Variants in PEX5L observed in about 807,000 individuals in gnomAD.
The protein encoded by PEX5L is PEX5-related protein.
In PEX5L, 30 loss-of-function variants were observed where a neutral mutation model predicts 84.0. The ratio of observed to expected loss-of-function variants is 0.36; its 90% CI spans 0.27 to 0.48. The LOEUF is 0.48. Ranked by LOEUF, PEX5L falls within the 20% of genes least tolerant of loss-of-function variation. The pLI, the probability that PEX5L is intolerant of heterozygous loss-of-function variation, is 0.99. For missense variants in PEX5L, 533 were observed against 754.6 expected, an observed-to-expected ratio of 0.71 and a Z score of 3.44; for synonymous variants, 270 against 283.1, an observed-to-expected ratio of 0.95 and a Z score of 0.46.
chr3:179,824,527 GA>G (rs561034496), intron 8 of PEX5L, among the ~76,000 whole-genome samples: 104 of 152,188 alleles, frequency 6.8e-4, no homozygotes, highest in African/African-American at 2.5e-3. Flanking sequence ...CCAACATGGA[GA>G]AACCCCGTCT....
chr3:179,987,348 A>T (rs1786950189), intron 1 of PEX5L, among the ~76,000 whole-genome samples: 1 of 151,462 alleles, frequency 6.6e-6, no homozygotes, highest in African/African-American at 2.4e-5. Context: ...GGTTGAATTA[A>T]CAATGTGTAA....
At chr3:179,969,986 GA>G (rs1361987301) in intron 2 of PEX5L, among the ~76,000 whole-genome samples, 1 of 151,810 alleles carries the variant, frequency 6.6e-6, no homozygotes, top group Non-Finnish European at 1.5e-5. Flanking sequence ...GGTATCATGA[GA>G]AAAAAAGAAC....
At chr3:179,889,471 GT>G (rs1380779358) in intron 3 of PEX5L, among the ~76,000 whole-genome samples, 1 of 152,178 alleles carries the variant, frequency 6.6e-6, no homozygotes, top group Non-Finnish European at 1.5e-5. Flanking sequence ...TATAGAGTTG[GT>G]AATTAGATTT....
intron 1 of PEX5L, among the ~76,000 whole-genome samples, chr3:179,984,150 T>C (rs1786586764): frequency 6.6e-6 from 1 of 152,138 alleles, no homozygotes; most frequent in South Asian, 2.1e-4. Context: ...TCCACAGTTA[T>C]TTAAAAAGGC....
At chr3:179,942,199 AAATT>A (rs1003772403) in intron 2 of PEX5L, among the ~76,000 whole-genome samples, 1 of 152,116 alleles carries the variant, frequency 6.6e-6, no homozygotes, top group African/African-American at 2.4e-5. Flanking sequence ...CTCCGGACTG[AAATT>A]AATTGTGACA....
At chr3:179,889,897 T>C (rs934224962) in intron 3 of PEX5L, among the ~76,000 whole-genome samples, 49 of 152,306 alleles carry the variant, frequency 3.2e-4, no homozygotes, top group African/African-American at 1.1e-3. Flanking sequence ...TAAAAGTCAA[T>C]TTTATTATCT....
chr3:179,908,612 TC>T (rs1764076874), intron 2 of PEX5L, among the ~76,000 whole-genome samples: 1 of 121,194 alleles, frequency 8.3e-6, no homozygotes, highest in African/African-American at 3.0e-5. Context: ...ATGCTATCCC[TC>T]CCCCCTCCCC....
At chr3:180,004,063 C>A (rs1352937006) in intron 1 of PEX5L, among the ~76,000 whole-genome samples, 2 of 152,136 alleles carry the variant, frequency 1.3e-5, no homozygotes, top group African/African-American at 2.4e-5. Context: ...TTGGAACAGC[C>A]TTTTCAATTT....
At chr3:179,851,032 T>A (rs1365523187) in intron 8 of PEX5L, among the ~76,000 whole-genome samples, 2 of 152,226 alleles carry the variant, frequency 1.3e-5, no homozygotes, top group Admixed American at 1.3e-4. Context: ...ACACTGGGAA[T>A]AATTTCAGGT....
intron 8 of PEX5L, among the ~76,000 whole-genome samples, chr3:179,850,283 T>C (rs2108443575): frequency 6.6e-6 from 1 of 152,164 alleles, no homozygotes; most frequent in African/African-American, 2.4e-5. Context: ...TGCACCATCA[T>C]GCCTGGCTAA....
intron 8 of PEX5L, among the ~76,000 whole-genome samples, chr3:179,837,168 A>G (rs546824254): frequency 6.6e-6 from 1 of 152,316 alleles, no homozygotes; most frequent in African/African-American, 2.4e-5. Context: ...AACTAAGAAA[A>G]AGAATTGCTC....
In PEX5L at chr3:179,882,311, TA is replaced by T. The variant is rs1346506039; in HGVS notation, c.311-2189del. On this transcript the variant is annotated intron_variant, in intron 4 of 14. Coordinates refer to ENST00000467460, the MANE Select transcript of PEX5L (RefSeq NM_016559.3). ...CTATATCTTCTTCTCACATTCAGAA[TA>T]AATGAATTACTAAAAGGGTGAACTG... Among the ~76,000 whole-genome samples, 25 of 152,364 alleles carry T rather than the reference TA, an allele frequency of 1.6e-4. 1 individual carries two copies. Among genetic ancestry groups the T allele is most frequent in the African/African-American group, 5.8e-4 (24 of 41,592 alleles).
chr3:179,880,164 C>T (rs1200277073), intron 4 of PEX5L, 41 bp from the exon 5 acceptor site: 5 of 1,250,748 alleles, frequency 4.0e-6, no homozygotes. Context: ...CCATTTACTA[C>T]TCTGAAATTA....
At chr3:179,898,092 A>G (rs1310114575) in intron 3 of PEX5L, 50 bp downstream of exon 3, 3 of 1,110,038 alleles carry the variant, frequency 2.7e-6, no homozygotes, top group African/African-American at 1.6e-5. Flanking sequence ...ACAATGTCTG[A>G]TATATTAACA....
chr3:180,029,734 C>A (rs1791283732), intron 1 of PEX5L, among the ~76,000 whole-genome samples: 1 of 120,694 alleles, frequency 8.3e-6, no homozygotes, highest in Admixed American at 7.0e-5. Flanking sequence ...GCATATAAAT[C>A]ACTGGTTCCT....
rs376280571 is a variant in PEX5L at position 179,819,902 on chromosome 3, G to A, written c.897C>T (p.Asn299=). 1.7e-5 allele frequency: 27 copies of A among 1,614,030 alleles called. No homozygotes were observed. The African/African-American group carries it at 3.3e-4, about 20-fold the overall frequency. Reference sequence around the variant, plus strand: ...TGGTTACTTGGTTCTGGGCTTCTTGGTTCTCAGATATCCAGTTCCTCCGAG... The same window carrying A: ...TGGTTACTTGGTTCTGGGCTTCTTGATTCTCAGATATCCAGTTCCTCCGAG... The part of the protein sequence containing the change: ...EMARRNWISE[N]QEAQNQVTIS... Residue 299 remains asparagine (N), a synonymous_variant, in exon 9 of 15, where the codon AAC becomes AAT. Coordinates refer to ENST00000467460, the MANE Select transcript of PEX5L (RefSeq NM_016559.3).
chr3:179,811,458 C>G (rs1449857638), intron 11 of PEX5L, among the ~76,000 whole-genome samples: 1 of 152,134 alleles, frequency 6.6e-6, no homozygotes, highest in Non-Finnish European at 1.5e-5. Context: ...AGTCAGTACT[C>G]CACTTATTTT....
intron 1 of PEX5L, among the ~76,000 whole-genome samples, chr3:180,032,697 T>C (rs925400024): frequency 6.6e-6 from 1 of 151,948 alleles, no homozygotes; most frequent in East Asian, 1.9e-4. Flanking sequence ...CTACAAAAAA[T>C]ACAAAAATTA....
chr3:179,992,703 A>AAAGAAC (rs1470580843), intron 1 of PEX5L, among the ~76,000 whole-genome samples: 1 of 152,230 alleles, frequency 6.6e-6, no homozygotes, highest in African/African-American at 2.4e-5. Flanking sequence ...TGGAGCAATT[A>AAAGAAC]AAGAACAAGT....
Sources: allele counts gnomAD v4.1 joint callset (sites outside exome capture counted in the v4.1 genomes callset), GRCh38; gene constraint gnomAD v4.1.1; transcripts MANE v1.5; gene names NCBI Gene and HGNC (gene_info 2026-07-23, HGNC 2026-07-21).